Variants in L3MBTL4 observed in about 807,000 individuals in gnomAD.
The protein encoded by L3MBTL4 is lethal(3)malignant brain tumor-like protein 4.
In L3MBTL4, 70 loss-of-function variants were observed where a neutral mutation model predicts 84.5. The ratio of observed to expected loss-of-function variants is 0.83; its 90% CI spans 0.68 to 1.01. L3MBTL4 has a LOEUF of 1.01. Among genes scored for constraint, L3MBTL4 ranks in the 50% least tolerant of loss-of-function variants. L3MBTL4 has a pLI of 0.00. For missense variants in L3MBTL4, 715 were observed against 754.8 expected, an observed-to-expected ratio of 0.95 and a Z score of 0.62; for synonymous variants, 274 against 259.8, an observed-to-expected ratio of 1.05 and a Z score of -0.52.
intron 12 of L3MBTL4, among the ~76,000 whole-genome samples, chr18:6,209,503 A>G (rs8098975): frequency 0.067 from 10,141 of 151,072 alleles, 1,167 homozygotes; most frequent in African/African-American, 0.24. Context: ...AACAGGTGGC[A>G]GTGAAGATGT....
At chr18:6,103,049 G>T (rs1289951735) in intron 14 of L3MBTL4, among the ~76,000 whole-genome samples, 1 of 152,208 alleles carries the variant, frequency 6.6e-6, no homozygotes, top group African/African-American at 2.4e-5. Flanking sequence ...AGCGTGCTAT[G>T]TAGCAACACT....
chr18:5,958,727 G>A (rs1251183391), intron 18 of L3MBTL4, among the ~76,000 whole-genome samples: 2 of 152,128 alleles, frequency 1.3e-5, no homozygotes, highest in African/African-American at 2.4e-5. Context: ...TTTGGGACAA[G>A]AACAGGGCTC....
chr18:6,164,690 C>T (rs569014802), intron 13 of L3MBTL4, among the ~76,000 whole-genome samples: 20 of 152,134 alleles, frequency 1.3e-4, no homozygotes, highest in Admixed American at 2.0e-4. Flanking sequence ...ACGTCACCAT[C>T]ATCAAAGACC....
chr18:6,144,661 C>T (rs138263360), intron 13 of L3MBTL4, among the ~76,000 whole-genome samples: 1 of 152,330 alleles, frequency 6.6e-6, no homozygotes, highest in African/African-American at 2.4e-5. Context: ...GCTACACACA[C>T]CCTCATTCCC....
chr18:6,348,860 T>G (rs1159224878), intron 1 of L3MBTL4, among the ~76,000 whole-genome samples: 4 of 152,192 alleles, frequency 2.6e-5, no homozygotes. Flanking sequence ...TTGACGATGA[T>G]AGCAAATAAC....
intron 12 of L3MBTL4, among the ~76,000 whole-genome samples, chr18:6,206,178 A>G (rs1447986127): frequency 6.6e-6 from 1 of 152,208 alleles, no homozygotes; most frequent in African/African-American, 2.4e-5. Flanking sequence ...TCCTTACTCA[A>G]AGGTCCATTA....
At chr18:5,956,518 A>C (rs2095228064) in intron 18 of L3MBTL4, 131 bp from the exon 19 acceptor site, 1 of 726,706 alleles carries the variant, frequency 1.4e-6, no homozygotes, top group East Asian at 2.6e-5. Flanking sequence ...CCAGTGAGAG[A>C]GAATGACGGT....
chr18:6,066,709 A>G (rs867122547), intron 16 of L3MBTL4, among the ~76,000 whole-genome samples: 23 of 152,008 alleles, frequency 1.5e-4, no homozygotes, highest in African/African-American at 4.3e-4. Flanking sequence ...GTTGCATAGC[A>G]TATTTTTTTC....
intron 6 of L3MBTL4, among the ~76,000 whole-genome samples, chr18:6,244,145 C>T (rs1430502394): frequency 6.6e-6 from 1 of 152,070 alleles, no homozygotes; most frequent in Non-Finnish European, 1.5e-5. Flanking sequence ...ATTATTCATA[C>T]ACATTTCTCA....
chr18:6,384,361 C>A (rs1168395435), intron 1 of L3MBTL4, among the ~76,000 whole-genome samples: 1 of 152,040 alleles, frequency 6.6e-6, no homozygotes, highest in Non-Finnish European at 1.5e-5. Context: ...TATCTGTAGT[C>A]ACATGGAATT....
At chr18:6,185,945 CA>C (rs1165655659) in intron 12 of L3MBTL4, among the ~76,000 whole-genome samples, 3 of 146,220 alleles carry the variant, frequency 2.1e-5, no homozygotes, top group Admixed American at 2.0e-4. Flanking sequence ...AAGTGAAAAC[CA>C]AAAAGGGCAC....
intron 1 of L3MBTL4, among the ~76,000 whole-genome samples, chr18:6,398,686 T>C (rs2055379752): frequency 7.2e-6 from 1 of 139,056 alleles, no homozygotes; most frequent in East Asian, 2.2e-4. Flanking sequence ...CCTCACACTA[T>C]TCCAAAACCC....
chr18:6,118,993 C>CTTTTTTTTTTTTTTTTTTTTTTTTTTT, intron 14 of L3MBTL4, among the ~76,000 whole-genome samples: 1 of 83,714 alleles, frequency 1.2e-5, no homozygotes, highest in African/African-American at 4.7e-5. Flanking sequence ...TTTTTGGTTT[C>CTTTTTTTTTTTTTTTTTTTTTTTTTTT]TTTTTTTTTT....
intron 1 of L3MBTL4, among the ~76,000 whole-genome samples, chr18:6,370,466 C>T (rs975851255): frequency 5.9e-5 from 9 of 152,158 alleles, no homozygotes; most frequent in African/African-American, 1.9e-4. Context: ...ATGGAATCAC[C>T]AGCCGCCCGT....
At chr18:6,205,073 G>A (rs2045814295) in intron 12 of L3MBTL4, among the ~76,000 whole-genome samples, 1 of 152,210 alleles carries the variant, frequency 6.6e-6, no homozygotes. Flanking sequence ...AACATGGCAA[G>A]GCAGATTTTT....
chr18:6,347,966 T>C (rs1000736027), intron 1 of L3MBTL4, among the ~76,000 whole-genome samples: 1 of 151,930 alleles, frequency 6.6e-6, no homozygotes, highest in East Asian at 1.9e-4. Flanking sequence ...AATTAATAAA[T>C]ACAAGATCCA....
chr18:6,046,976 A>T (rs2056649695), intron 16 of L3MBTL4, among the ~76,000 whole-genome samples: 1 of 152,204 alleles, frequency 6.6e-6, no homozygotes. Context: ...TAGTTATTTG[A>T]ACAGATAAAC....
chr18:5,969,274 C>G (rs1408192590), intron 17 of L3MBTL4, 119 bp downstream of exon 17: 1 of 1,087,104 alleles, frequency 9.2e-7, no homozygotes, highest in East Asian at 2.4e-5. Flanking sequence ...ATGGCAGATG[C>G]GATGCCTAAG....
chr18:6,295,563 A>G (rs2050074497), intron 4 of L3MBTL4, among the ~76,000 whole-genome samples: 1 of 152,002 alleles, frequency 6.6e-6, no homozygotes, highest in Admixed American at 6.6e-5. Flanking sequence ...TCAGAAAAGT[A>G]GAAAGCTTAG....
Sources: gnomAD v4.1 joint callset for allele counts (sites outside exome capture counted in the v4.1 genomes callset) on GRCh38, gnomAD v4.1.1 for gene constraint, MANE v1.5 for transcripts, NCBI Gene and HGNC (gene_info 2026-07-23, HGNC 2026-07-21) for gene names.